Variants in FKBP9 observed in about 807,000 individuals in gnomAD.
FKBP9 encodes peptidyl-prolyl cis-trans isomerase FKBP9.
In FKBP9, 27 loss-of-function variants were observed where a neutral mutation model predicts 55.6. The observed-to-expected ratio is 0.49, with a 90% CI of 0.36 to 0.67. The LOEUF (loss-of-function observed/expected upper bound fraction) is 0.67, where lower values mean the gene tolerates loss of function less well. Ranked by LOEUF, FKBP9 falls within the 30% of genes least tolerant of loss-of-function variation. The probability of loss-of-function intolerance (pLI) is 0.00; values close to 1 mark genes in which losing one functional copy is unlikely to be tolerated. For missense variants in FKBP9, 539 were observed against 742.8 expected (o/e 0.73, Z 3.19); for synonymous variants, 267 against 296.5 (o/e 0.90, Z 1.02).
At chr7:32,966,630 G>A (rs1402126924) in intron 1 of FKBP9, among the ~76,000 whole-genome samples, 4 of 152,158 alleles carry the variant, frequency 2.6e-5, no homozygotes, top group African/African-American at 7.2e-5. Context: ...CTGCATCACT[G>A]GAAAGAAATA....
intron 5 of FKBP9, among the ~76,000 whole-genome samples, chr7:32,987,057 C>G (rs895402631): frequency 6.6e-6 from 1 of 152,196 alleles, no homozygotes; most frequent in African/African-American, 2.4e-5. Context: ...GGACTTGGGG[C>G]TCCTGCCAGG....
At chr7:32,957,881 T>G in intron 1 of FKBP9, 87 bp downstream of exon 1, 8 of 995,738 alleles carry the variant, frequency 8.0e-6, no homozygotes, top group Non-Finnish European at 1.1e-5. Context: ...GGACCTCCCC[T>G]AGCTCCGCCC....
intron 8 of FKBP9, among the ~76,000 whole-genome samples, chr7:33,002,393 A>G (rs1784950759): frequency 6.6e-6 from 1 of 152,118 alleles, no homozygotes; most frequent in Non-Finnish European, 1.5e-5. Context: ...TCGGCCTCCC[A>G]AAGTGCTGGA....
intron 1 of FKBP9, among the ~76,000 whole-genome samples, chr7:32,973,703 T>TG (rs1784299115): frequency 2.3e-5 from 3 of 127,700 alleles, no homozygotes; most frequent in Non-Finnish European, 5.1e-5. Context: ...TTTTTTTTTT[T>TG]TTTTTGACAC....
rs10566069 is a variant in FKBP9, at chr7:32,973,580, A to AGTGTGTGT, written c.222-1018_222-1011dup. On this transcript the variant is annotated intron_variant, in intron 1 of 9. Coordinates refer to ENST00000242209, the MANE Select transcript of FKBP9 (RefSeq NM_007270.5). ...AGCTGGATGACTTTAAAAAAAATCA[A>AGTGTGTGT]GTGTGTGTGTGTGTGTGTGTGTGTG... 7.9e-4 allele frequency among the ~76,000 whole-genome samples: 114 copies of AGTGTGTGT among 144,062 alleles called. 2 individuals are homozygous for AGTGTGTGT. Among genetic ancestry groups the AGTGTGTGT allele is most frequent in the African/African-American group, 2.9e-3 (107 of 37,394 alleles). 94.5% of individuals were successfully genotyped at this position (144,062 alleles called of 152,430 possible).
At chr7:32,987,718 C>G (rs571044671) in intron 5 of FKBP9, among the ~76,000 whole-genome samples, 1 of 152,278 alleles carries the variant, frequency 6.6e-6, no homozygotes, top group African/African-American at 2.4e-5. Context: ...ACTGCAACCT[C>G]AACCTCTCCG....
intron 1 of FKBP9, among the ~76,000 whole-genome samples, chr7:32,962,021 C>A (rs541597870): frequency 1.8e-4 from 28 of 152,128 alleles, no homozygotes; most frequent in African/African-American, 5.5e-4. Flanking sequence ...ACCATCCCCC[C>A]ACCCCGGTCA....
intron 5 of FKBP9, among the ~76,000 whole-genome samples, chr7:32,988,195 G>A (rs1784612111): frequency 6.6e-6 from 1 of 152,126 alleles, no homozygotes; most frequent in Non-Finnish European, 1.5e-5. Context: ...GAAAAAGAAA[G>A]TATAGTGTTC....
rs772693978 is a variant in FKBP9 at position 32,975,383 on chromosome 7, C to A, written c.557+12C>A. 2.5e-6 allele frequency: 4 copies of A among 1,610,246 alleles called. No homozygotes were observed. In the African/African-American group the frequency reaches 4.0e-5, roughly 16 times the overall value. ...CTGTTTGATTCGAGGTAAGTCCTGT[C>A]GTTCATGGCAGTATCAGTGAAATGT... On this transcript the variant is annotated intron_variant, in intron 3 of 9. Transcript: ENST00000242209.
At position 32,998,825 on chromosome 7, in the gene FKBP9, G is replaced by A. The variant is rs145294559; in HGVS notation, c.1227-1290G>A. ...AGCATGCAGGGGGAGTGAGGACCGT[G>A]TTTGAGAGAAACACTGCCCAAGAGA... On this transcript the variant is annotated intron_variant, in intron 7 of 9. Transcript: ENST00000242209. 2.4e-4 allele frequency among the ~76,000 whole-genome samples: 37 copies of A among 152,270 alleles called. No individual in the cohort carries two copies. In the East Asian group the frequency reaches 7.0e-3, roughly 29 times the overall value.
rs2127973963 is a variant in FKBP9 at position 32,957,654 on chromosome 7, G to C, written c.81G>C (p.Val27=). 3 of 1,503,684 alleles carry C rather than the reference G, an allele frequency of 2.0e-6. No individual in the cohort carries two copies. In the Admixed American group the frequency reaches 6.5e-5, roughly 33 times the overall value. The allele number at this position is 1,503,684 out of a possible 1,614,324, so 93.1% of individuals were successfully genotyped here. ...LLWVTGQAAP[V]AGLGSDAELQ... The stretch of plus-strand genomic sequence containing the variant: ...GGGTGACCGGGCAGGCAGCGCCCGT[G>C]GCGGGCCTGGGCTCCGACGCGGAGC... Residue 27 remains valine, a synonymous_variant, in exon 1 of 10, where the codon GTG becomes GTC. Transcript: ENST00000242209.
chr7:32,982,343 G>A (rs1784494692), intron 5 of FKBP9, among the ~76,000 whole-genome samples: 1 of 152,122 alleles, frequency 6.6e-6, no homozygotes, highest in South Asian at 2.1e-4. Flanking sequence ...TTTTTAAAAT[G>A]CAAGTATAAG....
chr7:32,959,953 G>C (rs1481506529), intron 1 of FKBP9, among the ~76,000 whole-genome samples: 1 of 152,026 alleles, frequency 6.6e-6, no homozygotes, highest in Non-Finnish European at 1.5e-5. Context: ...TATATACCTA[G>C]GAGTTGGAAT....
At chr7:32,979,480 A>T (rs1333851872) in intron 4 of FKBP9, 1 of 1,540,702 alleles carries the variant, frequency 6.5e-7, no homozygotes, top group Non-Finnish European at 8.8e-7. Flanking sequence ...TGGGAAGGAG[A>T]TGCAGGGTGG....
intron 9 of FKBP9, 34 bp from the exon 10 acceptor site, chr7:33,005,141 A>G (rs770303375): frequency 1.2e-6 from 2 of 1,602,734 alleles, no homozygotes; most frequent in East Asian, 4.5e-5. Flanking sequence ...ATGGCGGCTG[A>G]ACTCATGGTC....
intron 1 of FKBP9, among the ~76,000 whole-genome samples, chr7:32,967,515 C>T (rs868801156): frequency 2.6e-5 from 4 of 152,180 alleles, no homozygotes; most frequent in East Asian, 1.9e-4. Flanking sequence ...TTTCATTTTA[C>T]GTAATCTCCT....
Position 32,975,370 on chromosome 7 carries a change from AG to A in FKBP9, c.557+1del, listed in dbSNP as rs1187924706. 12 of 1,613,322 alleles carry A rather than the reference AG, an allele frequency of 7.4e-6. No individual in the cohort carries two copies. The Middle Eastern group carries it at 6.6e-4, about 89-fold the overall frequency. On this transcript the variant is annotated frameshift_variant and splice_region_variant, in exon 3 of 10. Coordinates refer to ENST00000242209, the MANE Select transcript of FKBP9 (RefSeq NM_007270.5). LOFTEE classifies it high-confidence loss of function. ...CCTGGACGGAACTCTGTTTGATTCG[AG>A]GTAAGTCCTGTCGTTCATGGCAGTA... is the stretch of plus-strand genomic sequence containing the variant. ...TFLDGTLFDSSHNRMKTYDTY... is the reference protein window; with the variant it reads ...TFLDGTLFDSXHNRMKTYDTY...
chr7:32,980,528 C>T lies in FKBP9; in HGVS notation c.868C>T (p.Leu290=). 6.2e-7 allele frequency: 1 copy of T among 1,613,568 alleles called. No individual in the cohort carries two copies. Among genetic ancestry groups the T allele is most frequent in the Non-Finnish European group, 8.5e-7 (1 of 1,179,778 alleles). Residue 290 remains leucine (L), a synonymous_variant, in exon 5 of 10, where the codon CTG becomes TTG. Transcript: ENST00000242209. The stretch of plus-strand genomic sequence containing the variant: ...CAGGTATCATTACAATGGCACGCTT[C>T]TGGATGGCACCCTCTTTGATTCCAG... The part of the protein sequence containing the change: ...FLRYHYNGTL[L]DGTLFDSSYS...
chr7:32,999,658 A>T lies in FKBP9; in HGVS notation c.1227-457A>T, dbSNP rs369601769. ...GTCTCCGTTTCATAGATAAAGTAAC[A>T]GAGATTACATTTCTCAGGGTTAAAT... On this transcript the variant is annotated intron_variant, in intron 7 of 9. Coordinates refer to ENST00000242209, the MANE Select transcript of FKBP9 (RefSeq NM_007270.5). Among the ~76,000 whole-genome samples the T allele has an allele frequency of 5.3e-5, 8 of 152,150 alleles. No homozygotes were observed. The East Asian group carries it at 1.3e-3, about 26-fold the overall frequency.
Sources: gnomAD v4.1 joint callset for allele counts (sites outside exome capture counted in the v4.1 genomes callset) on GRCh38, gnomAD v4.1.1 for gene constraint, MANE v1.5 for transcripts, NCBI Gene and HGNC (gene_info 2026-07-23, HGNC 2026-07-21) for gene names.